Variants in ANKS1B observed in about 807,000 individuals in gnomAD.
ANKS1B encodes ankyrin repeat and sterile alpha motif domain containing 1B, also known as ankyrin repeat and sterile alpha motif domain-containing protein 1B.
In ANKS1B, 36 loss-of-function variants were observed where a neutral mutation model predicts 148.3. The observed-to-expected ratio is 0.24, with a 90% confidence interval of 0.19 to 0.32. The LOEUF is 0.32. ANKS1B is among the 10% of genes least tolerant of loss of function. The probability of loss-of-function intolerance (pLI) is 1.00; values close to 1 mark genes in which losing one functional copy is unlikely to be tolerated. For synonymous variants in ANKS1B, 542 were observed against 560.8 expected, an observed-to-expected ratio of 0.97 and a Z score of 0.47; for missense variants, 1,157 against 1,542.6, an observed-to-expected ratio of 0.75 and a Z score of 4.19.
intron 1 of ANKS1B, among the ~76,000 whole-genome samples, chr12:99,830,204 A>G (rs1336799767): frequency 2.0e-5 from 3 of 152,202 alleles, no homozygotes; most frequent in Non-Finnish European, 4.4e-5. Context: ...TCTTCCTCCA[A>G]AGAGCTGACA....
At chr12:99,210,849 GA>G (rs1323595748) in intron 14 of ANKS1B, among the ~76,000 whole-genome samples, 5 of 152,182 alleles carry the variant, frequency 3.3e-5, no homozygotes, top group African/African-American at 1.2e-4. Context: ...CCAAAATTCA[GA>G]AACTATTTGT....
At chr12:99,478,330 T>C (rs995990026) in intron 10 of ANKS1B, among the ~76,000 whole-genome samples, 2 of 152,162 alleles carry the variant, frequency 1.3e-5, no homozygotes, top group Non-Finnish European at 2.9e-5. Flanking sequence ...CACCTTTAAT[T>C]TCCCTATCAT....
intron 21 of ANKS1B, among the ~76,000 whole-genome samples, chr12:98,799,762 T>A (rs1382312581): frequency 6.6e-6 from 1 of 152,166 alleles, no homozygotes; most frequent in Admixed American, 6.6e-5. Flanking sequence ...AAACAAAATG[T>A]CTGATTTGCC....
At chr12:99,783,585 G>A (rs997481276) in intron 4 of ANKS1B, among the ~76,000 whole-genome samples, 1 of 152,160 alleles carries the variant, frequency 6.6e-6, no homozygotes, top group Non-Finnish European at 1.5e-5. Context: ...ACAGCAACAT[G>A]GATGAGCCTG....
chr12:99,967,821 C>A (rs2095504295), intron 1 of ANKS1B, among the ~76,000 whole-genome samples: 1 of 149,966 alleles, frequency 6.7e-6, no homozygotes, highest in African/African-American at 2.5e-5. Flanking sequence ...GCAGGAGAAT[C>A]GCTTGAACCC....
intron 12 of ANKS1B, among the ~76,000 whole-genome samples, chr12:99,360,698 T>C (rs1223433768): frequency 6.6e-6 from 1 of 152,148 alleles, no homozygotes. Flanking sequence ...GGTCTCTCAA[T>C]GAAAAGATGT....
chr12:98,879,293 T>C (rs1291143035), intron 17 of ANKS1B, among the ~76,000 whole-genome samples: 2 of 152,198 alleles, frequency 1.3e-5, no homozygotes, highest in Non-Finnish European at 2.9e-5. Context: ...TAATATTTAG[T>C]CTTCAGAATA....
At chr12:99,427,721 G>A (rs1481799856) in intron 11 of ANKS1B, among the ~76,000 whole-genome samples, 1 of 152,182 alleles carries the variant, frequency 6.6e-6, no homozygotes, top group East Asian at 1.9e-4. Context: ...CTGGTAAATA[G>A]AGCACACTTA....
intron 14 of ANKS1B, among the ~76,000 whole-genome samples, chr12:99,193,514 T>C (rs529664096): frequency 6.6e-6 from 1 of 152,330 alleles, no homozygotes; most frequent in Admixed American, 6.5e-5. Flanking sequence ...CAATTTTTTC[T>C]GGTTCTTTGG....
At chr12:99,622,001 G>A (rs1469946396) in intron 9 of ANKS1B, among the ~76,000 whole-genome samples, 1 of 151,972 alleles carries the variant, frequency 6.6e-6, no homozygotes, top group Non-Finnish European at 1.5e-5. Flanking sequence ...CCACATGCTT[G>A]ACCAGAAGGC....
chr12:98,847,434 A>G (rs986727679), intron 17 of ANKS1B, among the ~76,000 whole-genome samples: 5 of 152,218 alleles, frequency 3.3e-5, no homozygotes, highest in Admixed American at 6.5e-5. Flanking sequence ...TGCAAATGGC[A>G]GGATTTCCTT....
At chr12:99,197,291 C>T (rs542166616) in intron 14 of ANKS1B, among the ~76,000 whole-genome samples, 2 of 152,246 alleles carry the variant, frequency 1.3e-5, no homozygotes, top group African/African-American at 4.8e-5. Flanking sequence ...TATTCAATCT[C>T]CTTAGCCCAA....
At chr12:99,632,727 C>CTAGATATAGATATATATATA (rs1419756181) in intron 9 of ANKS1B, among the ~76,000 whole-genome samples, 1 of 39,052 alleles carries the variant, frequency 2.6e-5, no homozygotes, top group Non-Finnish European at 5.6e-5. Context: ...CCTTTTCTTT[C>CTAGATATAGATATATATATA]TATATATATA....
At chr12:99,886,435 G>A (rs1204199931) in intron 1 of ANKS1B, among the ~76,000 whole-genome samples, 1 of 152,116 alleles carries the variant, frequency 6.6e-6, no homozygotes, top group South Asian at 2.1e-4. Flanking sequence ...ATTTCCTATT[G>A]TGTAATTAAT....
At chr12:99,020,365 T>G (rs1393644683) in intron 17 of ANKS1B, among the ~76,000 whole-genome samples, 1 of 152,132 alleles carries the variant, frequency 6.6e-6, no homozygotes, top group Non-Finnish European at 1.5e-5. Flanking sequence ...CTGGCCTATT[T>G]CTCTATTGTT....
At chr12:99,861,974 CG>C (rs2090090616) in intron 1 of ANKS1B, among the ~76,000 whole-genome samples, 2 of 35,088 alleles carry the variant, frequency 5.7e-5, no homozygotes, top group Non-Finnish European at 5.7e-5. Context: ...GCGGGTGGGG[CG>C]GGGGTGGGGG....
At chr12:99,107,166 T>A (rs1030430581) in intron 15 of ANKS1B, among the ~76,000 whole-genome samples, 1 of 151,982 alleles carries the variant, frequency 6.6e-6, no homozygotes, top group Non-Finnish European at 1.5e-5. Flanking sequence ...AGATGTAATA[T>A]AATTTATAAA....
intron 14 of ANKS1B, among the ~76,000 whole-genome samples, chr12:99,201,751 G>A (rs2082097696): frequency 6.6e-6 from 1 of 152,182 alleles, no homozygotes; most frequent in African/African-American, 2.4e-5. Flanking sequence ...GTCAAATCAT[G>A]TGAAATCTTT....
intron 4 of ANKS1B, among the ~76,000 whole-genome samples, chr12:99,786,345 T>G (rs961543188): frequency 6.6e-6 from 1 of 152,156 alleles, no homozygotes; most frequent in Non-Finnish European, 1.5e-5. Context: ...TGTCAACCAA[T>G]GCTAGACTAG....
Sources: allele counts gnomAD v4.1 joint callset (sites outside exome capture counted in the v4.1 genomes callset), GRCh38; gene constraint gnomAD v4.1.1; transcripts MANE v1.5; gene names NCBI Gene and HGNC (gene_info 2026-07-23, HGNC 2026-07-21).